The following ATXN1 variants were observed in gnomAD, a reference collection of about 807,000 sequenced individuals.
ATXN1 encodes the protein ataxin-1.
In ATXN1, 8 loss-of-function variants were observed where a neutral mutation model predicts 56.4. The observed-to-expected ratio is 0.14, with a 90% CI of 0.08 to 0.26. The LOEUF (loss-of-function observed/expected upper bound fraction) is 0.26, where lower values mean the gene tolerates loss of function less well. ATXN1 is among the 10% of genes least tolerant of loss of function. The pLI is 1.00. For missense variants in ATXN1, 987 were observed against 1,106.5 expected (o/e 0.89, Z 1.53); for synonymous variants, 514 against 494.6 (o/e 1.04, Z -0.52).
chr6:16,573,660 AT>A (rs1380454859), intron 4 of ATXN1, among the ~76,000 whole-genome samples: 1 of 152,152 alleles, frequency 6.6e-6, no homozygotes, highest in African/African-American at 2.4e-5. Context: ...TAGCTCTGTT[AT>A]CCCCACAGCT....
chr6:16,514,565 G>A (rs1480343764), intron 5 of ATXN1, among the ~76,000 whole-genome samples: 1 of 152,118 alleles, frequency 6.6e-6, no homozygotes, highest in Non-Finnish European at 1.5e-5. Flanking sequence ...TTTTGCTGCT[G>A]ATTTAAGATT....
intron 6 of ATXN1, among the ~76,000 whole-genome samples, chr6:16,381,612 T>C (rs1030399489): frequency 2.0e-5 from 3 of 152,258 alleles, no homozygotes; most frequent in Non-Finnish European, 4.4e-5. Context: ...AATTTAATTA[T>C]GATGTGATGC....
chr6:16,520,685 A>G (rs1197364892), intron 5 of ATXN1, among the ~76,000 whole-genome samples: 6 of 152,208 alleles, frequency 3.9e-5, no homozygotes, highest in East Asian at 1.9e-4. Context: ...AGTGACCCAC[A>G]TTGTACTGTG....
At chr6:16,555,232 T>C (rs538829196) in intron 4 of ATXN1, among the ~76,000 whole-genome samples, 26 of 152,326 alleles carry the variant, frequency 1.7e-4, no homozygotes, top group African/African-American at 6.3e-4. Flanking sequence ...TTCCATCCCT[T>C]GCTTCCTGTG....
chr6:16,532,017 C>T (rs1369818633), intron 4 of ATXN1, among the ~76,000 whole-genome samples: 1 of 152,186 alleles, frequency 6.6e-6, no homozygotes. Context: ...CCAGACATCT[C>T]CATTGCAACT....
At chr6:16,443,273 GAT>G (rs1759558710) in intron 6 of ATXN1, among the ~76,000 whole-genome samples, 1 of 103,282 alleles carries the variant, frequency 9.7e-6, no homozygotes, top group Non-Finnish European at 2.0e-5. Flanking sequence ...AAAAATGAAA[GAT>G]ATGCCTAAAA....
chr6:16,394,203 C>T (rs1366382710), intron 6 of ATXN1, among the ~76,000 whole-genome samples: 1 of 149,640 alleles, frequency 6.7e-6, no homozygotes, highest in African/African-American at 2.6e-5. Flanking sequence ...CAACCCTCAC[C>T]TCAACCTGTG....
At chr6:16,473,972 T>C (rs1040055985) in intron 6 of ATXN1, among the ~76,000 whole-genome samples, 6 of 152,358 alleles carry the variant, frequency 3.9e-5, no homozygotes, top group African/African-American at 1.4e-4. Flanking sequence ...TCATTGATCA[T>C]GTCAACATCC....
At chr6:16,676,024 C>G (rs1329572473) in intron 2 of ATXN1, among the ~76,000 whole-genome samples, 1 of 152,136 alleles carries the variant, frequency 6.6e-6, no homozygotes, top group East Asian at 1.9e-4. Flanking sequence ...GCTGCATTCC[C>G]AAATGCTGCA....
At chr6:16,577,566 G>A (rs956609116) in intron 4 of ATXN1, among the ~76,000 whole-genome samples, 7 of 149,742 alleles carry the variant, frequency 4.7e-5, no homozygotes, top group South Asian at 4.2e-4. Flanking sequence ...GTGGTTTACC[G>A]CTTAACAGAG....
Position 16,714,181 on chromosome 6 carries a change from C to CCACA in ATXN1, c.-615+39048_-615+39051dup, listed in dbSNP as rs70999343. Among the ~76,000 whole-genome samples the CCACA allele has an allele frequency of 5.0e-3, 687 of 137,644 alleles. 6 individuals carry two copies. The highest frequency in any genetic ancestry group is 0.014 in the Admixed American group (195 of 13,608). 90.3% of individuals were successfully genotyped at this position (137,644 alleles called of 152,430 possible). A position where few individuals can be genotyped will look rare whatever the true frequency, so the allele number is the denominator to read the frequency against. ...AAAGAAAGAAAAAAAAAACCACACA[C>CCACA]CACACACACACACACACACACACAC... On this transcript the variant is annotated intron_variant, in intron 2 of 7. Transcript: ENST00000436367.
At chr6:16,726,616 G>A (rs1759856123) in intron 2 of ATXN1, among the ~76,000 whole-genome samples, 1 of 151,962 alleles carries the variant, frequency 6.6e-6, no homozygotes, top group African/African-American at 2.4e-5. Context: ...TATAGTCCCA[G>A]CACTTTGGGA....
intron 5 of ATXN1, among the ~76,000 whole-genome samples, chr6:16,503,094 G>A (rs908562353): frequency 5.3e-5 from 8 of 152,232 alleles, no homozygotes; most frequent in African/African-American, 1.7e-4. Context: ...CCAGAACTCT[G>A]CCTTCAAACA....
At chr6:16,743,452 A>G (rs1281602677) in intron 2 of ATXN1, among the ~76,000 whole-genome samples, 1 of 152,214 alleles carries the variant, frequency 6.6e-6, no homozygotes, top group African/African-American at 2.4e-5. Flanking sequence ...GTTCCTGACC[A>G]CAATTATACA....
chr6:16,528,541 G>A (rs565288878), intron 4 of ATXN1, among the ~76,000 whole-genome samples: 17 of 151,984 alleles, frequency 1.1e-4, no homozygotes, highest in African/African-American at 3.6e-4. Flanking sequence ...TTATATTTTC[G>A]GACTAACTTT....
intron 3 of ATXN1, among the ~76,000 whole-genome samples, chr6:16,602,771 G>C (rs374640513): frequency 1.3e-5 from 2 of 152,228 alleles, no homozygotes; most frequent in East Asian, 3.9e-4. Context: ...TCTGAACGGG[G>C]AAAGAGGATA....
intron 3 of ATXN1, among the ~76,000 whole-genome samples, chr6:16,605,187 G>A (rs1762981607): frequency 1.3e-5 from 2 of 152,176 alleles, no homozygotes; most frequent in East Asian, 1.9e-4. Flanking sequence ...CTACGTATCC[G>A]ATTGACTCAC....
intron 2 of ATXN1, among the ~76,000 whole-genome samples, chr6:16,683,839 A>G (rs3793111): frequency 0.33 from 49,809 of 151,890 alleles, 8,273 homozygotes; most frequent in Non-Finnish European, 0.35. Context: ...TCTATTCCTC[A>G]TCCCCTGCCC....
intron 3 of ATXN1, among the ~76,000 whole-genome samples, chr6:16,612,281 T>C (rs113807928): frequency 0.019 from 2,858 of 152,288 alleles, 32 homozygotes; most frequent in Non-Finnish European, 0.028. Context: ...CAGGGGCTCA[T>C]GGAACATTAA....
Sources: allele counts gnomAD v4.1 joint callset (sites outside exome capture counted in the v4.1 genomes callset), GRCh38; gene constraint gnomAD v4.1.1; transcripts MANE v1.5; gene names NCBI Gene and HGNC (gene_info 2026-07-23, HGNC 2026-07-21).